The following POLD1 variants were observed in gnomAD, a reference collection of about 807,000 sequenced individuals.
The protein encoded by POLD1 is DNA polymerase delta 1, catalytic subunit, also known as DNA polymerase delta catalytic subunit.
POLD1 carries 79 observed loss-of-function variants against 129.7 expected under a neutral mutation model. The ratio of observed to expected loss-of-function variants is 0.61; its 90% CI spans 0.51 to 0.73. POLD1 has a LOEUF of 0.73. POLD1 is among the 30% of genes least tolerant of loss of function. The pLI is 0.00. For missense variants in POLD1, 1,338 were observed against 1,595.8 expected, an observed-to-expected ratio of 0.84 and a Z score of 2.75; for synonymous variants, 714 against 683.3, an observed-to-expected ratio of 1.04 and a Z score of -0.70.
chr19:50,412,219 C>G (rs948197456), intron 17 of POLD1, among the ~76,000 whole-genome samples: 7 of 152,178 alleles, frequency 4.6e-5, no homozygotes, highest in African/African-American at 1.7e-4. Context: ...ATGCCACAAT[C>G]TTGGCTCACT....
chr19:50,385,977 T>A (rs1434148907), intron 1 of POLD1, among the ~76,000 whole-genome samples: 1 of 152,110 alleles, frequency 6.6e-6, no homozygotes, highest in Non-Finnish European at 1.5e-5. Context: ...GGGGAGCCAA[T>A]GATCATTCAG....
At chr19:50,391,747 T>C (rs906139990) in intron 1 of POLD1, among the ~76,000 whole-genome samples, 14 of 152,042 alleles carry the variant, frequency 9.2e-5, no homozygotes, top group African/African-American at 2.4e-4. Context: ...TCCCCCGCTC[T>C]TGTTGCCCGG....
At chr19:50,405,750 T>C (rs2038851959) in intron 10 of POLD1, among the ~76,000 whole-genome samples, 1 of 152,118 alleles carries the variant, frequency 6.6e-6, no homozygotes, top group Admixed American at 6.6e-5. Context: ...TCCCCCAGGC[T>C]GGGCCCCAGC....
intron 3 of POLD1, among the ~76,000 whole-genome samples, chr19:50,401,369 A>G (rs867702151): frequency 0.022 from 1,037 of 46,162 alleles, 10 homozygotes; most frequent in African/African-American, 0.079. Context: ...GTATATGTGT[A>G]TATATATATA....
Position 50,402,726 on chromosome 19 carries a change from T to A in POLD1, c.955T>A (p.Cys319Ser), listed in dbSNP as rs1601202900. The A allele has an allele frequency of 6.3e-7, 1 of 1,593,176 alleles. No individual in the cohort carries two copies. Among genetic ancestry groups the A allele is most frequent in the Non-Finnish European group, 8.6e-7 (1 of 1,165,856 alleles). The change falls in exon 8 of 27, where the codon TGC becomes AGC. Residue 319 changes from cysteine (C) to serine (S), a missense_variant. Around this residue, in one of 3 missense-constraint regions of POLD1, gnomAD observed 720 missense variants for 1,002.6 expected, o/e 0.72. Coordinates refer to ENST00000440232, the MANE Select transcript of POLD1 (RefSeq NM_002691.4). ...GCGCGTGCTCAGCTTCGATATCGAG[T>A]GCGCCGGCCGCAAAGGTCTGTCCCC... is the stretch of plus-strand genomic sequence containing the variant. The part of the protein sequence containing the change: ...PLRVLSFDIE[C>S]AGRKGIFPEP...
chr19:50,387,771 A>G, intron 1 of POLD1: 1 of 152,520 alleles, frequency 6.6e-6, no homozygotes, highest in Non-Finnish European at 1.5e-5. Context: ...GCACAACCCG[A>G]AGCCAGAGCC....
chr19:50,417,819 C>T (rs766728942), intron 26 of POLD1, 23 bp from the exon 27 acceptor site: 1 of 1,512,568 alleles, frequency 6.6e-7, no homozygotes, highest in South Asian at 1.2e-5. Context: ...TGGTCCTGAC[C>T]CTGCCCCTGC....
chr19:50,398,761 G>C, intron 1 of POLD1, 90 bp from the exon 2 acceptor site: 1 of 1,527,966 alleles, frequency 6.5e-7, no homozygotes, highest in Non-Finnish European at 8.7e-7. Flanking sequence ...GAAAAGGCTC[G>C]TGGTCATGGT....
At chr19:50,402,856 C>A in intron 8 of POLD1, 115 bp downstream of exon 8, 2 of 1,426,502 alleles carry the variant, frequency 1.4e-6, no homozygotes, top group East Asian at 2.3e-5. Context: ...CAGGAGCACC[C>A]CAGCCCATGT....
At chr19:50,395,696 C>T (rs959550652) in intron 1 of POLD1, among the ~76,000 whole-genome samples, 2 of 152,046 alleles carry the variant, frequency 1.3e-5, no homozygotes, top group Admixed American at 1.3e-4. Flanking sequence ...TCTCCCTTCT[C>T]TCTGTATACG....
At chr19:50,396,540 C>G (rs1252441447) in intron 1 of POLD1, among the ~76,000 whole-genome samples, 1 of 151,920 alleles carries the variant, frequency 6.6e-6, no homozygotes, top group Non-Finnish European at 1.5e-5. Flanking sequence ...TGCAGTGGTG[C>G]AATCTCAGCT....
At position 50,415,794 on chromosome 19, in the gene POLD1, G is replaced by A. The variant is rs144111108; in HGVS notation, c.2788G>A (p.Ala930Thr). Residue 930 changes from alanine to threonine, a missense_variant, in exon 22 of 27, where the codon GCC (alanine) becomes ACC (threonine). By Grantham distance (58) the Ala-to-Thr change is moderately conservative. This residue lies in a region of POLD1 where 286 missense variants were observed against 277.5 expected (regional missense o/e 1.03). Coordinates refer to ENST00000440232, the MANE Select transcript of POLD1 (RefSeq NM_002691.4). ...CGTCCCCTACGTGATCATCAGTGCC[G>A]CCAAGGGTGTGGCCGCCTACATGAA... is the stretch of plus-strand genomic sequence containing the variant. ...DRVPYVIISA[A>T]KGVAAYMKSE... 21 of 1,560,520 alleles carry A rather than the reference G, an allele frequency of 1.3e-5. No homozygotes were observed. The highest frequency in any genetic ancestry group is 9.3e-5 in the East Asian group (4 of 43,154).
At chr19:50,387,505 G>A (rs1162674479) in intron 1 of POLD1, among the ~76,000 whole-genome samples, 4 of 152,026 alleles carry the variant, frequency 2.6e-5, no homozygotes, top group Admixed American at 6.6e-5. Context: ...CCAATGAGAG[G>A]GGACACACAG....
chr19:50,385,301 G>A (rs1453246244), intron 1 of POLD1, among the ~76,000 whole-genome samples: 2 of 152,164 alleles, frequency 1.3e-5, no homozygotes, highest in Non-Finnish European at 2.9e-5. Context: ...TGGACTGGGC[G>A]TAGGAGCAAG....
chr19:50,417,221 A>G lies in POLD1; in HGVS notation c.3170A>G (p.Gln1057Arg), dbSNP rs768747132. Residue 1057 changes from glutamine to arginine, a missense_variant, in exon 26 of 27, where the codon CAG (glutamine) becomes CGG (arginine). Transcript: ENST00000440232. ...LEERFSRLWTQCQRCQGSLHE... is the reference protein window; with the variant it reads ...LEERFSRLWTRCQRCQGSLHE... ...GAGCGCTTCTCGCGCCTCTGGACGC[A>G]GTGCCAGCGCTGCCAGGGCAGCCTG... The G allele has an allele frequency of 1.2e-6, 2 of 1,606,262 alleles. No homozygotes were observed. Among genetic ancestry groups the G allele is most frequent in the Non-Finnish European group, 1.7e-6 (2 of 1,178,322 alleles).
intron 26 of POLD1, among the ~76,000 whole-genome samples, 163 bp from the exon 27 acceptor site, chr19:50,417,679 C>T (rs1276590902): frequency 2.0e-5 from 2 of 101,356 alleles, no homozygotes; most frequent in Admixed American, 8.8e-5. Flanking sequence ...GCTCCCCCCC[C>T]CCACCCCCCC....
rs375311339 is a variant in POLD1, at chr19:50,401,990, C to T, written c.464-9C>T. 2 of 1,614,146 alleles carry T rather than the reference C, an allele frequency of 1.2e-6. No homozygotes were observed. Among genetic ancestry groups the T allele is most frequent in the East Asian group, 4.5e-5 (2 of 44,864 alleles). ...CCCCCTGCACCTCTGATCATCCCTC[C>T]CACACCAGGTTTCGGGCCCGAGCAC... On this transcript the variant is annotated splice_polypyrimidine_tract_variant and intron_variant, in intron 4 of 26. Transcript: ENST00000440232.
intron 1 of POLD1, among the ~76,000 whole-genome samples, chr19:50,397,220 G>C (rs948681588): frequency 2.6e-5 from 4 of 151,574 alleles, no homozygotes; most frequent in Admixed American, 2.0e-4. Context: ...CCAACATGGT[G>C]AAACCCCGTC....
At chr19:50,403,857 CA>C (rs2038764372) in intron 10 of POLD1, among the ~76,000 whole-genome samples, 1 of 152,176 alleles carries the variant, frequency 6.6e-6, no homozygotes, top group Admixed American at 6.6e-5. Flanking sequence ...CTGAAGCTTG[CA>C]GGGGTTCAAC....
Sources: gnomAD v4.1 joint callset for allele counts (sites outside exome capture counted in the v4.1 genomes callset) on GRCh38, gnomAD v4.1.1 for gene constraint, gnomAD v4.1.1 regional missense constraint, MANE v1.5 for transcripts, NCBI Gene and HGNC (gene_info 2026-07-23, HGNC 2026-07-21) for gene names.